Variants in MAX observed in about 807,000 individuals in gnomAD.
MAX encodes the protein MYC associated transcriptional regulator X, also known as protein max.
In MAX, 3 loss-of-function variants were observed where a neutral mutation model predicts 22.3. The observed-to-expected ratio is 0.13, with a 90% CI of 0.06 to 0.35. MAX has a LOEUF of 0.35. Among genes scored for constraint, MAX ranks in the 10% least tolerant of loss-of-function variants. The pLI, the probability that MAX is intolerant of heterozygous loss-of-function variation, is 1.00. For synonymous variants in MAX, 72 were observed against 77.7 expected (o/e 0.93, Z 0.39); for missense variants, 119 against 209.4 (o/e 0.57, Z 2.66).
chr14:65,077,160 C>T lies in MAX; in HGVS notation c.296-497G>A. 3 of 617,552 alleles carry T rather than the reference C, an allele frequency of 4.9e-6. No homozygotes were observed. Among genetic ancestry groups the T allele is most frequent in the South Asian group, 4.0e-5 (2 of 49,798 alleles). 38.3% of individuals were successfully genotyped at this position (617,552 alleles called of 1,614,324 possible). A position where few individuals can be genotyped will look rare whatever the true frequency, so the allele number is the denominator to read the frequency against. ...GACACTTGGAAGCAAGTCACCAATACACATAAAATACCTGGGCTTTTCAAA... is the reference window on the plus strand; with the variant it reads ...GACACTTGGAAGCAAGTCACCAATATACATAAAATACCTGGGCTTTTCAAA... On this transcript the variant is annotated intron_variant, in intron 4 of 4. Transcript: ENST00000358664. The surrounding 1 kb of genome is among the most constrained non-coding windows in gnomAD (Gnocchi z 6.3).
intron 3 of MAX, among the ~76,000 whole-genome samples, chr14:65,026,581 C>G (rs1005499025): frequency 2.0e-5 from 3 of 152,124 alleles, no homozygotes; most frequent in Non-Finnish European, 2.9e-5. Context: ...GTTTTTCAGC[C>G]GGATGCAGTG....
chr14:65,077,214 A>AGTAACCCACTGACACCACCCACTGCC lies in MAX; in HGVS notation c.296-552_296-551insGGCAGTGGGTGGTGTCAGTGGGTTAC. ...CCCCTACATGCAGGCTGCCTGGCCC[A>AGTAACCCACTGACACCACCCACTGCC]GTAACCAACCCACTGACACCACCCA... is the stretch of plus-strand genomic sequence containing the variant. On this transcript the variant is annotated intron_variant, in intron 4 of 4. Transcript: ENST00000358664. This position sits in a 1 kb window ranked among gnomAD's most constrained non-coding sequence, Gnocchi z 6.3. The AGTAACCCACTGACACCACCCACTGCC allele has an allele frequency of 1.4e-6, 1 of 711,262 alleles. No homozygotes were observed. The highest frequency in any genetic ancestry group is 2.7e-5 in the East Asian group (1 of 37,262). The allele number at this position is 711,262 out of a possible 1,614,324, so 44.1% of individuals were successfully genotyped here.
chr14:65,097,893 T>C (rs1048203253), intron 2 of MAX, among the ~76,000 whole-genome samples: 2 of 152,248 alleles, frequency 1.3e-5, no homozygotes, highest in Non-Finnish European at 2.9e-5. Context: ...TTCCAATACC[T>C]GTCCTGCTTG....
intron 3 of MAX, chr14:65,090,403 T>G (rs961294120): frequency 6.6e-6 from 1 of 152,220 alleles, no homozygotes; most frequent in African/African-American, 2.4e-5. Flanking sequence ...AATAACTAAC[T>G]GTCAAATAAC....
In MAX at chr14:65,043,828, C is replaced by CAAAA. The variant is rs749243788; in HGVS notation, c.172-37548_172-37545dup. On this transcript the variant is annotated intron_variant, in intron 3 of 3. Coordinates refer to the MAX transcript ENST00000341653. ...TGGGCGACAGAGCGAGACTCCGTCT[C>CAAAA]AAAAAAAAAAAAAAAAAAAAAAAAA... Among the ~76,000 whole-genome samples the CAAAA allele has an allele frequency of 5.3e-3, 340 of 64,262 alleles. 9 individuals carry two copies. Among genetic ancestry groups the CAAAA allele is most frequent in the African/African-American group, 6.8e-3 (119 of 17,462 alleles). 42.2% of individuals were successfully genotyped at this position (64,262 alleles called of 152,430 possible).
chr14:65,101,547 G>A lies in MAX; in HGVS notation c.62C>T (p.Ala21Val), dbSNP rs2063833647. The A allele has an allele frequency of 6.2e-7, 1 of 1,609,268 alleles. No individual in the cohort carries two copies. ...TGAAATGGAGAGTAGGAGACGTACC[G>A]CAGATTGAAACCTCGGTTGCTCTTC... ...SDEEQPRFQS[A>V]ADKRAHHNAL... The change falls in exon 2 of 5, where the codon GCG (alanine) becomes GTG (valine). Residue 21 changes from alanine (A) to valine (V), a missense_variant and splice_region_variant. Physicochemically the swap from Ala to Val is moderately conservative, Grantham distance 64. This residue lies in a region of MAX where 24 missense variants were observed against 42.7 expected (regional missense o/e 0.56). Transcript: ENST00000358664.
chr14:65,040,955 C>T, intron 3 of MAX: 1 of 1,606,942 alleles, frequency 6.2e-7, no homozygotes, highest in Non-Finnish European at 8.5e-7. Context: ...TCTCAGGCCC[C>T]AGGTCATGGT....
intron 3 of MAX, chr14:65,061,450 C>T: frequency 7.3e-7 from 1 of 1,367,976 alleles, no homozygotes; most frequent in Non-Finnish European, 9.6e-7. Context: ...ACTTTCTTGT[C>T]AAACAAAACC....
At chr14:65,092,276 C>T (rs763482489) in intron 3 of MAX, among the ~76,000 whole-genome samples, 4 of 152,096 alleles carry the variant, frequency 2.6e-5, no homozygotes, top group Non-Finnish European at 4.4e-5. Flanking sequence ...GTGGGTGGTC[C>T]GCAACTCACC....
Position 65,082,649 on chromosome 14 carries a change from C to T in MAX, c.172-4613G>A, listed in dbSNP as rs1022013545. On this transcript the variant is annotated intron_variant, in intron 3 of 4. Coordinates refer to ENST00000358664, the MANE Select transcript of MAX (RefSeq NM_002382.5). The surrounding 1 kb of genome is among the most constrained non-coding windows in gnomAD (Gnocchi z 4.8). ...GGGCATGGTGGTACACGAATGTGGT[C>T]CCAGCTACTTGGGAGGCAAAGGTGG... is the stretch of plus-strand genomic sequence containing the variant. Among the ~76,000 whole-genome samples, 1 of 151,924 alleles carries T rather than the reference C, an allele frequency of 6.6e-6. No homozygotes were observed. Among genetic ancestry groups the T allele is most frequent in the African/African-American group, 2.4e-5 (1 of 41,346 alleles).
At chr14:65,073,769 G>T (rs2139724614), downstream of MAX, among the ~76,000 whole-genome samples, 1 of 152,284 alleles carries the variant, frequency 6.6e-6, no homozygotes, top group South Asian at 2.1e-4. Flanking sequence ...GCAGTTTCCA[G>T]GCGGAGCTCC....
rs145098677 is a variant in MAX at position 65,038,359 on chromosome 14, G to A, written c.172-32075C>T. On this transcript the variant is annotated intron_variant, in intron 3 of 3. Coordinates refer to the MAX transcript ENST00000341653. The stretch of plus-strand genomic sequence containing the variant: ...CAGGAGGCAGAGGTTGCAGTGAGCC[G>A]AGATCGCACCATTGCACTCCAGCCC... Among the ~76,000 whole-genome samples, 23 of 147,392 alleles carry A rather than the reference G, an allele frequency of 1.6e-4. No individual in the cohort carries two copies. The East Asian group carries it at 3.8e-3, about 24-fold the overall frequency.
chr14:65,081,504 C>T lies in MAX; in HGVS notation c.172-3468G>A, dbSNP rs367621506. Reference sequence around the variant, plus strand: ...GTTTATAATATGTGACCAGCAAACACGAAACCAGCAAGAAACCCTGGGATT... The same window carrying T: ...GTTTATAATATGTGACCAGCAAACATGAAACCAGCAAGAAACCCTGGGATT... On this transcript the variant is annotated intron_variant, in intron 3 of 4. Coordinates refer to ENST00000358664, the MANE Select transcript of MAX (RefSeq NM_002382.5). Among the ~76,000 whole-genome samples, 13 of 152,212 alleles carry T rather than the reference C, an allele frequency of 8.5e-5. No individual in the cohort carries two copies. In the East Asian group the frequency reaches 9.6e-4, roughly 11 times the overall value.
intron 3 of MAX, among the ~76,000 whole-genome samples, chr14:65,065,451 T>C (rs1595117373): frequency 1.3e-5 from 2 of 152,118 alleles, no homozygotes; most frequent in East Asian, 1.9e-4. Context: ...GTGAACATCA[T>C]GGAGTGCACT....
In MAX at chr14:65,009,071, G is replaced by A. The variant is rs2061643094; in HGVS notation, c.172-2787C>T. Among the ~76,000 whole-genome samples the A allele has an allele frequency of 6.6e-6, 1 of 152,264 alleles. No homozygotes were observed. The highest frequency in any genetic ancestry group is 2.1e-4 in the South Asian group (1 of 4,824). ...ATGGTTTTGGGGCTGAATTGTTCAG[G>A]TAAAAATAGGAAGAGCTCTACCTTT... On this transcript the variant is annotated intron_variant, in intron 3 of 3. Transcript: ENST00000341653. This position sits in a 1 kb window ranked among gnomAD's most constrained non-coding sequence, Gnocchi z 4.2.
Position 65,084,732 on chromosome 14 carries a change from G to A in MAX, c.172-6696C>T, listed in dbSNP as rs542061939. On this transcript the variant is annotated intron_variant, in intron 3 of 4. Coordinates refer to ENST00000358664, the MANE Select transcript of MAX (RefSeq NM_002382.5). The surrounding 1 kb of genome is among the most constrained non-coding windows in gnomAD (Gnocchi z 4.3). ...ACATGAGCACACTGTATGACCTAGC[G>A]AAAAAATATATTATGTAAAAGCAGC... Among the ~76,000 whole-genome samples, 24 of 152,206 alleles carry A rather than the reference G, an allele frequency of 1.6e-4. No individual in the cohort carries two copies. The highest frequency in any genetic ancestry group is 5.3e-4 in the African/African-American group (22 of 41,532).
At position 65,027,907 on chromosome 14, in the gene MAX, A is replaced by C; in HGVS notation, c.172-21623T>G. 8.1e-7 allele frequency: 1 copy of C among 1,229,104 alleles called. No individual in the cohort carries two copies. Among genetic ancestry groups the C allele is most frequent in the Non-Finnish European group, 1.2e-6 (1 of 866,570 alleles). The allele number at this position is 1,229,104 out of a possible 1,614,324, so 76.1% of individuals were successfully genotyped here. A position where few individuals can be genotyped will look rare whatever the true frequency, so the allele number is the denominator to read the frequency against. ...TTGTCCCAGAATGACACATGGGATGACATGTCAGTGACACGTCAGAATCAT... is the reference window on the plus strand; with the variant it reads ...TTGTCCCAGAATGACACATGGGATGCCATGTCAGTGACACGTCAGAATCAT... On this transcript the variant is annotated intron_variant, in intron 3 of 3. Transcript: ENST00000341653. The surrounding 1 kb of genome is among the most constrained non-coding windows in gnomAD (Gnocchi z 5.7).
Position 65,044,568 on chromosome 14 carries a change from C to A in MAX, c.172-38284G>T. ...CTCTGTCTATCCTGGATTTTGAGTG[C>A]CCAGTGTGGAACCTCATGCCGTGGG... On this transcript the variant is annotated intron_variant, in intron 3 of 3. Coordinates refer to the MAX transcript ENST00000341653. This position sits in a 1 kb window ranked among gnomAD's most constrained non-coding sequence, Gnocchi z 5.5. The A allele has an allele frequency of 7.1e-7, 1 of 1,398,956 alleles. No individual in the cohort carries two copies. The allele number at this position is 1,398,956 out of a possible 1,614,324, so 86.7% of individuals were successfully genotyped here. A position where few individuals can be genotyped will look rare whatever the true frequency, so the allele number is the denominator to read the frequency against.
chr14:65,101,442 T>TA, intron 2 of MAX, 104 bp downstream of exon 2: 1 of 1,068,240 alleles, frequency 9.4e-7, no homozygotes. Context: ...CATTAGAGTT[T>TA]ACTACAATAT....
Sources: allele counts gnomAD v4.1 joint callset (sites outside exome capture counted in the v4.1 genomes callset), GRCh38; gene constraint gnomAD v4.1.1; regional missense constraint gnomAD v4.1.1; non-coding constraint Gnocchi (gnomAD v3.1); transcripts MANE v1.5; gene names NCBI Gene and HGNC (gene_info 2026-07-23, HGNC 2026-07-21).